Variants in LRRC28 observed in about 807,000 individuals in gnomAD.
LRRC28 encodes the protein leucine rich repeat containing 28, also known as leucine-rich repeat-containing protein 28.
In LRRC28, 39 loss-of-function variants were observed where a neutral mutation model predicts 45.7. That is an observed-to-expected ratio of 0.85 (90% confidence interval 0.66 to 1.12). The LOEUF is 1.12. LRRC28 is among the 50% of genes most tolerant of loss of function. LRRC28 has a pLI of 0.00. For synonymous variants in LRRC28, 206 were observed against 178.8 expected (o/e 1.15, Z -1.22); for missense variants, 435 against 438.5 (o/e 0.99, Z 0.07).
At chr15:99,285,724 T>G (rs980270231) in intron 3 of LRRC28, 1 of 566,188 alleles carries the variant, frequency 1.8e-6, no homozygotes, top group African/African-American at 1.9e-5. Context: ...AGTGGGTACT[T>G]TAGTTCATAT....
At chr15:99,350,843 C>G (rs1039685438) in intron 6 of LRRC28, among the ~76,000 whole-genome samples, 3 of 152,156 alleles carry the variant, frequency 2.0e-5, no homozygotes, top group East Asian at 1.9e-4. Context: ...CTCTGTTGCA[C>G]AAGCTGGATG....
chr15:99,254,389 CA>C (rs1393601043), intron 1 of LRRC28, among the ~76,000 whole-genome samples: 1 of 152,116 alleles, frequency 6.6e-6, no homozygotes, highest in Non-Finnish European at 1.5e-5. Context: ...CAGAAAATTA[CA>C]AAACTCATGT....
intron 5 of LRRC28, among the ~76,000 whole-genome samples, chr15:99,302,666 C>G (rs545728959): frequency 1.3e-5 from 2 of 152,346 alleles, no homozygotes; most frequent in African/African-American, 4.8e-5. Context: ...TCAATACAAT[C>G]TAGTTTTAGA....
At chr15:99,307,988 G>A (rs1034447678) in intron 5 of LRRC28, among the ~76,000 whole-genome samples, 4 of 152,168 alleles carry the variant, frequency 2.6e-5, no homozygotes, top group Admixed American at 1.3e-4. Flanking sequence ...AAACTTAAAC[G>A]AGGCGCCGAC....
chr15:99,347,564 C>T (rs577841334), intron 6 of LRRC28, among the ~76,000 whole-genome samples: 3 of 152,320 alleles, frequency 2.0e-5, no homozygotes, highest in African/African-American at 7.2e-5. Context: ...TGGCTTATTT[C>T]ACTTAGTATA....
chr15:99,349,302 T>C (rs1956796833), intron 6 of LRRC28, among the ~76,000 whole-genome samples: 1 of 152,186 alleles, frequency 6.6e-6, no homozygotes, highest in African/African-American at 2.4e-5. Context: ...GATCTTTTTT[T>C]GGTGTACTGG....
chr15:99,319,524 A>G (rs2152275533), intron 5 of LRRC28, among the ~76,000 whole-genome samples: 1 of 152,334 alleles, frequency 6.6e-6, no homozygotes, highest in African/African-American at 2.4e-5. Flanking sequence ...TCACTTAGCA[A>G]GAATACTTTA....
chr15:99,336,458 G>T (rs900261185), intron 6 of LRRC28, among the ~76,000 whole-genome samples: 1 of 152,290 alleles, frequency 6.6e-6, no homozygotes, highest in Middle Eastern at 3.4e-3. Context: ...TGGGAATAGG[G>T]CTGAACCATA....
Position 99,293,593 on chromosome 15 carries a change from CAAAAAAAAAAAAAAAAAAAAAA to C in LRRC28, c.385+5661_385+5682del, listed in dbSNP as rs57442636. ...GGGCAACAAGAACGAAACTCTGTCA[CAAAAAAAAAAAAAAAAAAAAAA>C]AAAAAAAAAAAAAAAAAACCTAAAC... On this transcript the variant is annotated intron_variant, in intron 5 of 9. Coordinates refer to ENST00000301981, the MANE Select transcript of LRRC28 (RefSeq NM_144598.5). 6.9e-3 allele frequency among the ~76,000 whole-genome samples: 303 copies of C among 44,100 alleles called. 2 individuals are homozygous for C. Among genetic ancestry groups the C allele is most frequent in the Non-Finnish European group, 8.6e-3 (196 of 22,742 alleles). The allele number at this position is 44,100 out of a possible 152,430, so 28.9% of individuals were successfully genotyped here. A position where few individuals can be genotyped will look rare whatever the true frequency, so the allele number is the denominator to read the frequency against.
At chr15:99,365,989 A>G (rs1297334313) in intron 9 of LRRC28, among the ~76,000 whole-genome samples, 1 of 152,228 alleles carries the variant, frequency 6.6e-6, no homozygotes, top group Non-Finnish European at 1.5e-5. Context: ...ATTATTTCTT[A>G]ATAAAATAAC....
chr15:99,302,861 A>G (rs748888985), intron 5 of LRRC28, among the ~76,000 whole-genome samples: 1 of 152,206 alleles, frequency 6.6e-6, no homozygotes, highest in Admixed American at 6.5e-5. Context: ...TTTATTGCTT[A>G]GTAATGTTTT....
At chr15:99,255,376 A>T (rs936259184) in intron 1 of LRRC28, among the ~76,000 whole-genome samples, 4 of 152,110 alleles carry the variant, frequency 2.6e-5, no homozygotes, top group African/African-American at 9.7e-5. Flanking sequence ...ATAAGAAGAA[A>T]GAAAAGAATA....
intron 5 of LRRC28, among the ~76,000 whole-genome samples, chr15:99,330,539 T>C (rs1036485118): frequency 6.6e-6 from 1 of 152,210 alleles, no homozygotes; most frequent in African/African-American, 2.4e-5. Context: ...CTGATATGAA[T>C]ATAGCTGCTC....
At chr15:99,367,439 CAAAG>C (rs540578945) in intron 9 of LRRC28, among the ~76,000 whole-genome samples, 64 of 152,234 alleles carry the variant, frequency 4.2e-4, no homozygotes, top group African/African-American at 1.2e-3. Flanking sequence ...GCACAAGAGA[CAAAG>C]AAAATCAGAC....
At chr15:99,385,452 C>T (rs978940923) in intron 9 of LRRC28, among the ~76,000 whole-genome samples, 1 of 152,228 alleles carries the variant, frequency 6.6e-6, no homozygotes, top group Non-Finnish European at 1.5e-5. Context: ...GGGTCAGAGG[C>T]CCCCTGGGGC....
At chr15:99,265,920 A>G (rs918829013) in intron 2 of LRRC28, among the ~76,000 whole-genome samples, 3 of 152,210 alleles carry the variant, frequency 2.0e-5, no homozygotes, top group Non-Finnish European at 4.4e-5. Flanking sequence ...GGCCTTCCTG[A>G]GGAAATGAAA....
At chr15:99,252,572 C>G (rs1401133146) in intron 1 of LRRC28, among the ~76,000 whole-genome samples, 1 of 152,212 alleles carries the variant, frequency 6.6e-6, no homozygotes. Context: ...GCATGTTACC[C>G]TCTGAGAAAC....
chr15:99,291,427 G>A (rs997832052), intron 5 of LRRC28, among the ~76,000 whole-genome samples: 1 of 152,146 alleles, frequency 6.6e-6, no homozygotes, highest in Non-Finnish European at 1.5e-5. Context: ...ATCTCATGAG[G>A]TGATTTCAGA....
rs371694482 is a variant in LRRC28, at chr15:99,301,214, G to T, written c.385+13263G>T. Among the ~76,000 whole-genome samples the T allele has an allele frequency of 1.2e-4, 19 of 152,218 alleles. No homozygotes were observed. In the East Asian group the frequency reaches 3.5e-3, roughly 28 times the overall value. On this transcript the variant is annotated intron_variant, in intron 5 of 9. Transcript: ENST00000301981. The stretch of plus-strand genomic sequence containing the variant: ...AATCTAAGAGTCAAATATTTGTATT[G>T]TTTTTAAGTGCATGTTATATTAAAT...
Sources: allele counts gnomAD v4.1 joint callset (sites outside exome capture counted in the v4.1 genomes callset), GRCh38; gene constraint gnomAD v4.1.1; transcripts MANE v1.5; gene names NCBI Gene and HGNC (gene_info 2026-07-23, HGNC 2026-07-21).